Variants in NF1 observed in about 807,000 individuals in gnomAD.
NF1 encodes neurofibromin.
In NF1, 122 loss-of-function variants were observed where a neutral mutation model predicts 325.7. The observed-to-expected ratio is 0.37, with a 90% CI of 0.32 to 0.44. NF1 has a LOEUF of 0.44. Ranked by LOEUF, NF1 falls within the 20% of genes least tolerant of loss-of-function variation. NF1 has a pLI of 1.00. For synonymous variants in NF1, 1,091 were observed against 1,186.0 expected, an observed-to-expected ratio of 0.92 and a Z score of 1.65; for missense variants, 2,140 against 3,415.4, an observed-to-expected ratio of 0.63 and a Z score of 9.31.
chr17:31,115,808 A>C (rs1010651122), intron 1 of NF1, among the ~76,000 whole-genome samples: 12 of 152,208 alleles, frequency 7.9e-5, no homozygotes, highest in African/African-American at 2.9e-4. Flanking sequence ...CACTGTAGGC[A>C]GGGAATGCAT....
intron 33 of NF1, 137 bp from the exon 34 acceptor site, chr17:31,260,232 C>G: frequency 1.1e-6 from 1 of 907,688 alleles, no homozygotes; most frequent in Admixed American, 2.0e-5. Flanking sequence ...TGTCTAATGT[C>G]AAGTCACATT....
At chr17:31,293,568 CA>C (rs1010946628) in intron 36 of NF1, among the ~76,000 whole-genome samples, 3 of 151,078 alleles carry the variant, frequency 2.0e-5, no homozygotes, top group Admixed American at 1.3e-4. Flanking sequence ...CCTTAAAAAG[CA>C]AAAAAAAGAA....
chr17:31,205,575 T>C (rs1470216984), intron 11 of NF1, among the ~76,000 whole-genome samples: 3 of 152,090 alleles, frequency 2.0e-5, no homozygotes, highest in African/African-American at 7.2e-5. Flanking sequence ...ACAGGGTAAA[T>C]TGAAATAGAA....
intron 8 of NF1, among the ~76,000 whole-genome samples, chr17:31,191,539 T>C (rs1567831063): frequency 6.6e-6 from 1 of 152,158 alleles, no homozygotes; most frequent in African/African-American, 2.4e-5. Context: ...TGACATACTA[T>C]ATGATTTCTT....
At position 31,258,440 on chromosome 17, in the gene NF1, G is replaced by A. The variant is rs2067623009; in HGVS notation, c.4270G>A (p.Ala1424Thr). Reference protein sequence around the residue: ...INPAIVSPYEAGILDKKPPPR... With the variant: ...INPAIVSPYETGILDKKPPPR... ...TCCTGCCATTGTCTCACCGTATGAA[G>A]CAGGGATTTTAGATAAAAAGCCACC... Residue 1424 changes from alanine to threonine, a missense_variant, in exon 32 of 58, where the codon GCA becomes ACA. Around this residue, in one of 10 missense-constraint regions of NF1, gnomAD observed 336 missense variants for 399.0 expected, o/e 0.84. Transcript: ENST00000358273. 1 of 1,613,802 alleles carries A rather than the reference G, an allele frequency of 6.2e-7. No homozygotes were observed. Among genetic ancestry groups the A allele is most frequent in the African/African-American group, 1.3e-5 (1 of 74,896 alleles).
chr17:31,337,741 G>GA (rs2069714071), intron 43 of NF1, 78 bp from the exon 44 acceptor site: 2 of 1,498,844 alleles, frequency 1.3e-6, no homozygotes, highest in South Asian at 2.3e-5. Context: ...GTCACTTAAT[G>GA]ACATCATAAT....
chr17:31,290,274 T>C (rs1247628961), intron 36 of NF1, among the ~76,000 whole-genome samples: 2 of 152,208 alleles, frequency 1.3e-5, no homozygotes, highest in Non-Finnish European at 1.5e-5. Context: ...ATTTTTAAAT[T>C]CTTCTGCTGG....
chr17:31,100,863 C>A (rs958940674), intron 1 of NF1, among the ~76,000 whole-genome samples: 2 of 152,186 alleles, frequency 1.3e-5, no homozygotes, highest in Admixed American at 6.5e-5. Context: ...CCACCGTGCC[C>A]GGCCCGGAAT....
rs919485743 is a variant in NF1, at chr17:31,207,143, A to G, written c.1392+772A>G. Among the ~76,000 whole-genome samples the G allele has an allele frequency of 1.8e-4, 28 of 152,168 alleles. 1 individual carries two copies. The highest frequency in any genetic ancestry group is 3.4e-4 in the Non-Finnish European group (23 of 68,034). On this transcript the variant is annotated intron_variant, in intron 12 of 57. Transcript: ENST00000358273. ...TCTATTATTGGCTGCTGTCGCTCAC[A>G]TGATCAGATGCCAACCAGTCACTGT...
intron 24 of NF1, 35 bp downstream of exon 24, chr17:31,230,960 T>C: frequency 6.6e-7 from 1 of 1,504,676 alleles, no homozygotes. Flanking sequence ...ATTAGTGGGT[T>C]TTACTGTGAG....
rs543012668 is a variant in NF1, at chr17:31,182,766, C to T, written c.888+101C>T. 3.2e-5 allele frequency: 36 copies of T among 1,140,630 alleles called. 1 individual carries two copies. In the East Asian group the frequency reaches 8.4e-4, roughly 27 times the overall value. The allele number at this position is 1,140,630 out of a possible 1,614,324, so 70.7% of individuals were successfully genotyped here. On this transcript the variant is annotated intron_variant, in intron 8 of 57. Coordinates refer to ENST00000358273, the MANE Select transcript of NF1 (RefSeq NM_001042492.3). ...GGCTTATTATTTAAGCAAAGTATTT[C>T]AGGGAACCATTTAAATGATCATTTT... is the stretch of plus-strand genomic sequence containing the variant.
rs786202445 is a variant in NF1, at chr17:31,357,054, T to C, written c.7833T>C (p.Thr2611=). 6.2e-7 allele frequency: 1 copy of C among 1,613,940 alleles called. No individual in the cohort carries two copies. Among genetic ancestry groups the C allele is most frequent in the Non-Finnish European group, 8.5e-7 (1 of 1,179,960 alleles). Residue 2611 remains threonine, a synonymous_variant, in exon 53 of 58, where the codon ACT becomes ACC. Coordinates refer to ENST00000358273, the MANE Select transcript of NF1 (RefSeq NM_001042492.3). Reference sequence around the variant, plus strand: ...TTCTCTTGGATGAAGAAGTACTTACTGATCCGAAGATCCAGGCGCTGCTTC... The same window carrying C: ...TTCTCTTGGATGAAGAAGTACTTACCGATCCGAAGATCCAGGCGCTGCTTC... ...SNVLLDEEVL[T]DPKIQALLLT...
Position 31,336,710 on chromosome 17 carries a change from T to TG in NF1, c.6226dup (p.Asp2076GlyfsTer2). The TG allele has an allele frequency of 6.2e-7, 1 of 1,614,086 alleles. No homozygotes were observed. Among genetic ancestry groups the TG allele is most frequent in the Non-Finnish European group, 8.5e-7 (1 of 1,180,020 alleles). ...TCCTACTTTAGAACAACATCTTATG[T>TG]GGGATGATATTGCTATTTTAGCACG... On this transcript the variant is annotated frameshift_variant, in exon 42 of 58. Coordinates refer to ENST00000358273, the MANE Select transcript of NF1 (RefSeq NM_001042492.3). LOFTEE classifies it high-confidence loss of function. This position sits in a 1 kb window ranked among gnomAD's most constrained non-coding sequence, Gnocchi z 5.5.
rs1263740114 is a variant in NF1 at position 31,357,034 on chromosome 17, T to C, written c.7813T>C (p.Leu2605=). Residue 2605 remains leucine (L), a synonymous_variant, in exon 53 of 58, where the codon TTG becomes CTG. Coordinates refer to ENST00000358273, the MANE Select transcript of NF1 (RefSeq NM_001042492.3). The stretch of plus-strand genomic sequence containing the variant: ...TTCAGTGTCTGAATCAAATGTTCTC[T>C]TGGATGAAGAAGTACTTACTGATCC... ...KVSVSESNVL[L]DEEVLTDPKI... is the part of the protein sequence containing the mutation. 5.0e-6 allele frequency: 8 copies of C among 1,613,992 alleles called. No individual in the cohort carries two copies. Among genetic ancestry groups the C allele is most frequent in the Non-Finnish European group, 8.5e-7 (1 of 1,179,964 alleles).
chr17:31,108,306 A>T (rs927821342), intron 1 of NF1, among the ~76,000 whole-genome samples: 2 of 119,064 alleles, frequency 1.7e-5, no homozygotes, highest in African/African-American at 7.2e-5. Context: ...ACAGAGTCTC[A>T]CTCTATTACC....
intron 8 of NF1, among the ~76,000 whole-genome samples, chr17:31,192,444 C>A (rs535577687): frequency 2.6e-5 from 4 of 152,132 alleles, no homozygotes; most frequent in African/African-American, 9.7e-5. Flanking sequence ...GTCTGGTTGA[C>A]GGTTGAGTTT....
intron 31 of NF1, among the ~76,000 whole-genome samples, chr17:31,255,797 T>C (rs2067573510): frequency 6.6e-6 from 1 of 152,200 alleles, no homozygotes; most frequent in Non-Finnish European, 1.5e-5. Context: ...CAAAGAAGTA[T>C]TTTGTCTAAT....
At chr17:31,102,590 T>G (rs902591545) in intron 1 of NF1, among the ~76,000 whole-genome samples, 1 of 151,720 alleles carries the variant, frequency 6.6e-6, no homozygotes, top group Non-Finnish European at 1.5e-5. Flanking sequence ...AAAAAATTAG[T>G]TGGGTGTGGT....
chr17:31,100,366 T>C (rs972631254), intron 1 of NF1, among the ~76,000 whole-genome samples: 2 of 152,192 alleles, frequency 1.3e-5, no homozygotes, highest in Admixed American at 6.5e-5. Flanking sequence ...CCTAGCCTCA[T>C]TCTTCAAGCC....
Sources: allele counts gnomAD v4.1 joint callset (sites outside exome capture counted in the v4.1 genomes callset), GRCh38; gene constraint gnomAD v4.1.1; regional missense constraint gnomAD v4.1.1; non-coding constraint Gnocchi (gnomAD v3.1); transcripts MANE v1.5; gene names NCBI Gene and HGNC (gene_info 2026-07-23, HGNC 2026-07-21).